KRT83: variants seen among roughly 807,000 people sequenced by gnomAD.
KRT83 encodes the protein keratin 83.
A neutral mutation model predicts 52.9 loss-of-function variants in KRT83; 51 were observed. The ratio of observed to expected loss-of-function variants is 0.96; its 90% CI spans 0.77 to 1.22. KRT83 has a LOEUF of 1.22. KRT83 is among the 50% of genes most tolerant of loss of function. The pLI, the probability that KRT83 is intolerant of heterozygous loss-of-function variation, is 0.00. For synonymous variants in KRT83, 278 were observed against 274.1 expected (o/e 1.01, Z -0.14); for missense variants, 654 against 666.5 (o/e 0.98, Z 0.21).
chr12:52,314,970 C>T, intron 8 of KRT83, 152 bp from the exon 9 acceptor site: 1 of 822,400 alleles, frequency 1.2e-6, no homozygotes, highest in Non-Finnish European at 2.0e-6. Flanking sequence ...GCCTGGGAGC[C>T]AGCAGACCGG....
In KRT83 at chr12:52,317,765, G is replaced by A. The variant is rs2857667; in HGVS notation, c.666C>T (p.Cys222=). ...CCAGGTCTGACTTGCGGAGGTAGGC[G>A]CAGTCCACATCCTGGGTGGGGTAGA... is the stretch of plus-strand genomic sequence containing the variant. The part of the protein sequence containing the change: ...EFVALKKDVD[C]AYLRKSDLEA... Residue 222 remains cysteine, a synonymous_variant, in exon 4 of 9, where the codon TGC becomes TGT. Coordinates refer to ENST00000293670, the MANE Select transcript of KRT83 (RefSeq NM_002282.3). 0.41 allele frequency: 659,943 copies of A among 1,611,946 alleles called. 137,887 individuals carry two copies. The highest frequency in any genetic ancestry group is 0.49 in the African/African-American group (36,521 of 74,898).
intron 1 of KRT83, among the ~76,000 whole-genome samples, chr12:52,319,600 GAA>G (rs1409434820): frequency 6.6e-6 from 1 of 152,180 alleles, no homozygotes; most frequent in Non-Finnish European, 1.5e-5. Flanking sequence ...GAAAATGCTT[GAA>G]GAGTCCAGAT....
In KRT83 at chr12:52,315,953, T is replaced by C. The variant is rs1244027843; in HGVS notation, c.1202A>G (p.Lys401Arg). ...IREYQEVMNS[K>R]LGLDIEIATY... Reference sequence around the variant, plus strand: ...GGCGATCTCGATATCCAGGCCTAGCTTGGAGTTCATCACCTCCTGGTACTC... The same window carrying C: ...GGCGATCTCGATATCCAGGCCTAGCCTGGAGTTCATCACCTCCTGGTACTC... Residue 401 changes from lysine (K) to arginine (R), a missense_variant, in exon 7 of 9, where the codon AAG (lysine) becomes AGG (arginine). By Grantham distance (26) the Lys-to-Arg change is conservative. Transcript: ENST00000293670. 6.2e-7 allele frequency: 1 copy of C among 1,612,962 alleles called. No homozygotes were observed. The highest frequency in any genetic ancestry group is 2.2e-5 in the East Asian group (1 of 44,868).
intron 1 of KRT83, 84 bp downstream of exon 1, chr12:52,320,868 C>T: frequency 6.2e-7 from 1 of 1,612,532 alleles, no homozygotes. Context: ...CAAGTTCTTG[C>T]CTTTGACTTC....
Position 52,317,920 on chromosome 12 carries a change from G to A in KRT83, c.644C>T (p.Ala215Val). 1.9e-6 allele frequency: 3 copies of A among 1,614,156 alleles called. No individual in the cohort carries two copies. Among genetic ancestry groups the A allele is most frequent in the Middle Eastern group, 3.3e-4 (2 of 6,062 alleles). Residue 215 changes from alanine to valine, a missense_variant, in exon 3 of 9, where the codon GCT (alanine) becomes GTT (valine). Coordinates refer to ENST00000293670, the MANE Select transcript of KRT83 (RefSeq NM_002282.3). ...CTGGGCTTCACTCACCTTCTTTAGA[G>A]CCACAAACTCGTTCTCTGCTGTGGC... ...LRATAENEFVALKKDVDCAYL... is the reference protein window; with the variant it reads ...LRATAENEFVVLKKDVDCAYL...
At chr12:52,317,803 G>T in intron 3 of KRT83, 27 bp from the exon 4 acceptor site, 2 of 1,613,382 alleles carry the variant, frequency 1.2e-6, no homozygotes, top group Non-Finnish European at 1.7e-6. Context: ...GGGCTGTGAG[G>T]CCGGCTTTCC....
At chr12:52,320,912 G>A (rs1224208076) in intron 1 of KRT83, 40 bp downstream of exon 1, 3 of 1,613,750 alleles carry the variant, frequency 1.9e-6, no homozygotes, top group Non-Finnish European at 8.5e-7. Context: ...CTGAACATGA[G>A]TAGGGGTTCA....
chr12:52,318,520 T>TC (rs986551360), intron 2 of KRT83, among the ~76,000 whole-genome samples: 8 of 152,040 alleles, frequency 5.3e-5, no homozygotes, highest in African/African-American at 1.7e-4. Context: ...GCTCTGTCTC[T>TC]CCCCTCCTGG....
At chr12:52,317,217 C>G (rs1330670283) in intron 4 of KRT83, among the ~76,000 whole-genome samples, 194 bp from the exon 5 acceptor site, 2 of 152,216 alleles carry the variant, frequency 1.3e-5, no homozygotes, top group African/African-American at 4.8e-5. Context: ...CAACTGCTTG[C>G]TTTTGGAATT....
chr12:52,321,389 A>C lies in KRT83; in HGVS notation c.-54T>G. 6.2e-7 allele frequency: 1 copy of C among 1,611,270 alleles called. No homozygotes were observed. The highest frequency in any genetic ancestry group is 1.1e-5 in the South Asian group (1 of 91,030). ...GGAGTAGATGGCAGAGGATGGAACCAAGGGCCTGTGCTCCCTGGCTGATGG... is the reference window on the plus strand; with the variant it reads ...GGAGTAGATGGCAGAGGATGGAACCCAGGGCCTGTGCTCCCTGGCTGATGG... On this transcript the variant is annotated 5_prime_UTR_variant, in exon 1 of 9. Coordinates refer to ENST00000293670, the MANE Select transcript of KRT83 (RefSeq NM_002282.3).
At position 52,314,510 on chromosome 12, in the gene KRT83, G is replaced by A. The variant is rs1342649580; in HGVS notation, c.*121C>T. On this transcript the variant is annotated 3_prime_UTR_variant, in exon 9 of 9. Coordinates refer to ENST00000293670, the MANE Select transcript of KRT83 (RefSeq NM_002282.3). ...GAGGAGCCGCTGGTGGGAATGAGCC[G>A]ATGGTGTATTCTCAGAACACAAGGG... The A allele has an allele frequency of 1.2e-5, 11 of 934,168 alleles. No homozygotes were observed. Among genetic ancestry groups the A allele is most frequent in the African/African-American group, 4.9e-5 (3 of 60,662 alleles). 57.9% of individuals were successfully genotyped at this position (934,168 alleles called of 1,614,324 possible).
At chr12:52,315,833 G>A in intron 7 of KRT83, 60 bp downstream of exon 7, 1 of 1,609,620 alleles carries the variant, frequency 6.2e-7, no homozygotes, top group Admixed American at 1.7e-5. Context: ...CTGAGATAGG[G>A]AAAAATCAAA....
chr12:52,317,931 G>C lies in KRT83; in HGVS notation c.633C>G (p.Asn211Lys), dbSNP rs140012906. The C allele has an allele frequency of 6.2e-7, 1 of 1,614,106 alleles. No homozygotes were observed. Residue 211 changes from asparagine to lysine, a missense_variant, in exon 3 of 9, where the codon AAC (asparagine) becomes AAG (lysine). Transcript: ENST00000293670. ...TCACCTTCTTTAGAGCCACAAACTC[G>C]TTCTCTGCTGTGGCTCGAAGTGCTA... ...EEVALRATAE[N>K]EFVALKKDVD...
rs1190087466 is a variant in KRT83, at chr12:52,321,391, G to C, written c.-56C>G. 10 of 1,610,632 alleles carry C rather than the reference G, an allele frequency of 6.2e-6. No individual in the cohort carries two copies. The South Asian group carries it at 7.7e-5, about 12-fold the overall frequency. The stretch of plus-strand genomic sequence containing the variant: ...AGTAGATGGCAGAGGATGGAACCAA[G>C]GGCCTGTGCTCCCTGGCTGATGGCA... On this transcript the variant is annotated 5_prime_UTR_variant, in exon 1 of 9. Transcript: ENST00000293670.
chr12:52,318,013 T>A, intron 2 of KRT83, 43 bp from the exon 3 acceptor site: 1 of 1,569,420 alleles, frequency 6.4e-7, no homozygotes, highest in Non-Finnish European at 8.8e-7. Flanking sequence ...GAACAGCTCT[T>A]GATCTTGGCC....
rs201594412 is a variant in KRT83, at chr12:52,321,240, G to A, written c.96C>T (p.Ile32=). The A allele has an allele frequency of 4.3e-6, 7 of 1,613,630 alleles. No individual in the cohort carries two copies. In the Admixed American group the frequency reaches 1.0e-4, roughly 23 times the overall value. Residue 32 remains isoleucine (I), a synonymous_variant, in exon 1 of 9, where the codon ATC becomes ATT. Transcript: ENST00000293670. ...AGATGCCGCGGTAGGGGGCGGCGGT[G>A]ATGCAGCAGCGGCTTGGCCGGGGCC... The part of the protein sequence containing the change: ...ACGPRPSRCC[I]TAAPYRGISC...
chr12:52,320,922 A>C, intron 1 of KRT83, 30 bp downstream of exon 1: 3 of 1,613,810 alleles, frequency 1.9e-6, no homozygotes, highest in Non-Finnish European at 2.5e-6. Flanking sequence ...GTAGGGGTTC[A>C]GGAAGGGTGT....
At chr12:52,314,983 T>A (rs1235024414) in intron 8 of KRT83, among the ~76,000 whole-genome samples, 165 bp from the exon 9 acceptor site, 1 of 152,052 alleles carries the variant, frequency 6.6e-6, no homozygotes, top group Non-Finnish European at 1.5e-5. Context: ...CAGACCGGGG[T>A]TCTGGTCCTG....
Position 52,314,780 on chromosome 12 carries a change from G to A in KRT83, c.1333C>T (p.Leu445Phe), listed in dbSNP as rs773352846. The stretch of plus-strand genomic sequence containing the variant: ...ACCGGCCGGGAGCCCGACACGCAGA[G>A]ATCCCCGCACACAACCCCACCCCGG... ...SSRGGVVCGD[L>F]CVSGSRPVTG... Residue 445 changes from leucine (L) to phenylalanine (F), a missense_variant, in exon 9 of 9, where the codon CTC becomes TTC. Leu to Phe is a conservative substitution (Grantham distance 22). Coordinates refer to ENST00000293670, the MANE Select transcript of KRT83 (RefSeq NM_002282.3). 2.5e-6 allele frequency: 4 copies of A among 1,607,092 alleles called. No individual in the cohort carries two copies. The African/African-American group carries it at 4.0e-5, about 16-fold the overall frequency.
Sources: allele counts gnomAD v4.1 joint callset (sites outside exome capture counted in the v4.1 genomes callset), GRCh38; gene constraint gnomAD v4.1.1; transcripts MANE v1.5; gene names NCBI Gene and HGNC (gene_info 2026-07-23, HGNC 2026-07-21).